The following ARFGAP3 variants were observed in gnomAD, a reference collection of about 807,000 sequenced individuals.
ARFGAP3 encodes the protein ADP-ribosylation factor GTPase-activating protein 3.
ARFGAP3 carries 72 observed loss-of-function variants against 75.0 expected under a neutral mutation model. That is an observed-to-expected ratio of 0.96 (90% CI 0.79 to 1.17). The LOEUF (loss-of-function observed/expected upper bound fraction) is 1.17, where lower values mean the gene tolerates loss of function less well. Ranked by LOEUF, ARFGAP3 falls within the 50% of genes most tolerant of loss-of-function variation. ARFGAP3 has a pLI of 0.00. For synonymous variants in ARFGAP3, 221 were observed against 217.9 expected, an observed-to-expected ratio of 1.01 and a Z score of -0.13; for missense variants, 620 against 626.6, an observed-to-expected ratio of 0.99 and a Z score of 0.11.
rs543157661 is a variant in ARFGAP3, at chr22:42,831,684, C to T, written c.478-48G>A. Reference sequence around the variant, plus strand: ...ATTAGCAGACAAAGCAAGAAAACAGCCATAAAAAACACATCAAAGCACGGG... The same window carrying T: ...ATTAGCAGACAAAGCAAGAAAACAGTCATAAAAAACACATCAAAGCACGGG... On this transcript the variant is annotated intron_variant, in intron 5 of 15. Transcript: ENST00000263245. The T allele has an allele frequency of 5.0e-6, 8 of 1,609,492 alleles. No individual in the cohort carries two copies. The South Asian group carries it at 6.6e-5, about 13-fold the overall frequency.
At chr22:42,853,149 T>A (rs9611937) in intron 1 of ARFGAP3, among the ~76,000 whole-genome samples, 7,781 of 152,348 alleles carry the variant, frequency 0.051, 337 homozygotes, top group African/African-American at 0.12. Context: ...AACTTTCACA[T>A]AAATTATCTT....
chr22:42,841,684 C>G (rs763480693), intron 2 of ARFGAP3, among the ~76,000 whole-genome samples: 2 of 151,818 alleles, frequency 1.3e-5, no homozygotes, highest in African/African-American at 4.8e-5. Flanking sequence ...CAGAAATGAG[C>G]AAAAAGCAGA....
rs141143020 is a variant in ARFGAP3, at chr22:42,838,926, T to C, written c.261+2018A>G. The stretch of plus-strand genomic sequence containing the variant: ...GTGATCGAGACCATCCTAGCTAACA[T>C]GGTGAAACCCCGTCTCTACTAAAAA... On this transcript the variant is annotated intron_variant, in intron 3 of 15. Coordinates refer to ENST00000263245, the MANE Select transcript of ARFGAP3 (RefSeq NM_014570.5). Among the ~76,000 whole-genome samples, 565 of 151,670 alleles carry C rather than the reference T, an allele frequency of 3.7e-3. 3 individuals are homozygous for C. Among genetic ancestry groups the C allele is most frequent in the African/African-American group, 0.013 (535 of 41,408 alleles).
At chr22:42,800,418 C>G (rs931811468) in intron 14 of ARFGAP3, among the ~76,000 whole-genome samples, 2 of 152,172 alleles carry the variant, frequency 1.3e-5, no homozygotes, top group African/African-American at 2.4e-5. Context: ...GTAACCCTAG[C>G]TACTTGGGAG....
At chr22:42,830,937 A>G (rs1167653068) in intron 6 of ARFGAP3, among the ~76,000 whole-genome samples, 1 of 152,174 alleles carries the variant, frequency 6.6e-6, no homozygotes, top group Non-Finnish European at 1.5e-5. Flanking sequence ...AAAAATGATT[A>G]TTATATTCCA....
chr22:42,826,911 A>G, intron 7 of ARFGAP3, 29 bp downstream of exon 7: 2 of 1,603,638 alleles, frequency 1.2e-6, no homozygotes. Context: ...TACACTTTAA[A>G]TCAGAATGTA....
At chr22:42,845,751 A>G (rs774009179) in intron 2 of ARFGAP3, among the ~76,000 whole-genome samples, 1 of 152,146 alleles carries the variant, frequency 6.6e-6, no homozygotes, top group Non-Finnish European at 1.5e-5. Flanking sequence ...AAGAAAACAG[A>G]AGGCAAGGCC....
intron 1 of ARFGAP3, among the ~76,000 whole-genome samples, chr22:42,853,147 C>T (rs2146593071): frequency 6.6e-6 from 1 of 152,242 alleles, no homozygotes; most frequent in South Asian, 2.1e-4. Context: ...AGAACTTTCA[C>T]ATAAATTATC....
intron 15 of ARFGAP3, chr22:42,797,841 C>G (rs9611908): frequency 3.0e-6 from 2 of 674,310 alleles, no homozygotes; most frequent in African/African-American, 3.9e-5. Context: ...CTGGCATCCA[C>G]GGCCACAGTC....
chr22:42,844,603 A>T (rs542303843), intron 2 of ARFGAP3, among the ~76,000 whole-genome samples: 225 of 120,260 alleles, frequency 1.9e-3, no homozygotes, highest in South Asian at 0.013. Context: ...AAAAAAAAAA[A>T]AAAATAAAAA....
intron 2 of ARFGAP3, among the ~76,000 whole-genome samples, chr22:42,843,951 C>G (rs1380867046): frequency 6.6e-6 from 1 of 152,086 alleles, no homozygotes. Flanking sequence ...CTTTGCTTGG[C>G]AAAAGCCATA....
rs41277503 is a variant in ARFGAP3, at chr22:42,817,153, A to G, written c.1053T>C (p.Thr351=). ...YNDDSDDSYF[T]SSSSYFDEPV... is the part of the protein sequence containing the mutation. ...TTGTAATACAGTACCTTGAGCTGGA[A>G]GTAAAATATGAATCGTCACTGTCAT... Residue 351 remains threonine, a synonymous_variant, in exon 11 of 16, where the codon ACT becomes ACC. Coordinates refer to ENST00000263245, the MANE Select transcript of ARFGAP3 (RefSeq NM_014570.5). 6.2e-7 allele frequency: 1 copy of G among 1,609,640 alleles called. No homozygotes were observed. The highest frequency in any genetic ancestry group is 8.5e-7 in the Non-Finnish European group (1 of 1,176,388).
chr22:42,814,870 G>A (rs1266693445), intron 11 of ARFGAP3, among the ~76,000 whole-genome samples: 1 of 152,064 alleles, frequency 6.6e-6, no homozygotes, highest in Non-Finnish European at 1.5e-5. Context: ...CAAGCAGCTG[G>A]GACTACAGGC....
At chr22:42,822,207 C>A in intron 9 of ARFGAP3, 63 bp downstream of exon 9, 1 of 1,433,470 alleles carries the variant, frequency 7.0e-7, no homozygotes, top group South Asian at 1.3e-5. Context: ...ATTTGGAAAG[C>A]AAAATCTTGA....
chr22:42,804,000 C>G (rs1925001354), intron 14 of ARFGAP3, among the ~76,000 whole-genome samples: 2 of 147,324 alleles, frequency 1.4e-5, no homozygotes, highest in South Asian at 4.3e-4. Flanking sequence ...GCCTCCTGGG[C>G]TCAGGTCATC....
intron 1 of ARFGAP3, among the ~76,000 whole-genome samples, chr22:42,856,368 C>T (rs1217327207): frequency 6.6e-6 from 1 of 152,184 alleles, no homozygotes; most frequent in Non-Finnish European, 1.5e-5. Context: ...CCCACGCTGA[C>T]GCGACAGCCC....
chr22:42,854,844 T>C (rs1216027367), intron 1 of ARFGAP3, among the ~76,000 whole-genome samples: 1 of 152,200 alleles, frequency 6.6e-6, no homozygotes, highest in Non-Finnish European at 1.5e-5. Context: ...TAGGTAAGGG[T>C]TTCAAACCAA....
At chr22:42,841,865 C>CTTT (rs5845565) in intron 2 of ARFGAP3, among the ~76,000 whole-genome samples, 1 of 137,764 alleles carries the variant, frequency 7.3e-6, no homozygotes, top group Non-Finnish European at 1.6e-5. Context: ...TTACTAATTT[C>CTTT]TTTTTTTTTT....
rs1925646787 is a variant in ARFGAP3, at chr22:42,817,797, C to A, written c.873G>T (p.Lys291Asn). 1.2e-6 allele frequency: 2 copies of A among 1,613,430 alleles called. No individual in the cohort carries two copies. The highest frequency in any genetic ancestry group is 1.7e-6 in the Non-Finnish European group (2 of 1,179,772). The change falls in exon 10 of 16, where the codon AAG (lysine) becomes AAT (asparagine). Residue 291 changes from lysine (K) to asparagine (N), a missense_variant. Transcript: ENST00000263245. Reference protein sequence around the residue: ...DLEIQMKKDEKMNISGKKNVD... With the variant: ...DLEIQMKKDENMNISGKKNVD... ...CATTTTTTTTGCCACTAATGTTCAT[C>A]TTTTCGTCTTTCTTCATTTGAATTT...
Sources: allele counts gnomAD v4.1 joint callset (sites outside exome capture counted in the v4.1 genomes callset), GRCh38; gene constraint gnomAD v4.1.1; transcripts MANE v1.5; gene names NCBI Gene and HGNC (gene_info 2026-07-23, HGNC 2026-07-21).